LIMD1: variants seen among roughly 807,000 people sequenced by gnomAD.
LIMD1 encodes the protein LIM domain containing 1, also known as LIM domain-containing protein 1.
A neutral mutation model predicts 58.4 loss-of-function variants in LIMD1; 23 were observed. The observed-to-expected ratio is 0.39, with a 90% CI of 0.28 to 0.56. The LOEUF is 0.56. Ranked by LOEUF, LIMD1 falls within the 20% of genes least tolerant of loss-of-function variation. The pLI, the probability that LIMD1 is intolerant of heterozygous loss-of-function variation, is 0.57. For missense variants in LIMD1, 838 were observed against 855.5 expected, an observed-to-expected ratio of 0.98 and a Z score of 0.25; for synonymous variants, 334 against 345.5, an observed-to-expected ratio of 0.97 and a Z score of 0.37.
chr3:45,662,652 C>A (rs1697458209), intron 2 of LIMD1, among the ~76,000 whole-genome samples: 1 of 152,092 alleles, frequency 6.6e-6, no homozygotes, highest in Non-Finnish European at 1.5e-5. Context: ...AATTTTCCTA[C>A]TGTTACCATA....
Position 45,674,421 on chromosome 3 carries a change from T to TC in LIMD1, c.1893+14dup. The TC allele has an allele frequency of 8.9e-7, 1 of 1,127,874 alleles. No homozygotes were observed. Among genetic ancestry groups the TC allele is most frequent in the Non-Finnish European group, 1.3e-6 (1 of 795,182 alleles). The allele number at this position is 1,127,874 out of a possible 1,614,324, so 69.9% of individuals were successfully genotyped here. ...GTGTTACCACTGCGAGGTAGACCCCTCCCCACCCAGCCCCCAAAGCCCATT... is the reference window on the plus strand; with the variant it reads ...GTGTTACCACTGCGAGGTAGACCCCTCCCCCACCCAGCCCCCAAAGCCCATT... On this transcript the variant is annotated intron_variant, in intron 7 of 7. Coordinates refer to ENST00000273317, the MANE Select transcript of LIMD1 (RefSeq NM_014240.3).
intron 1 of LIMD1, among the ~76,000 whole-genome samples, chr3:45,596,650 C>T (rs967036909): frequency 2.6e-5 from 4 of 151,862 alleles, no homozygotes; most frequent in African/African-American, 4.8e-5. Context: ...TTCAGTGGGA[C>T]CAGCTTTCTC....
rs17078132 is a variant in LIMD1, at chr3:45,625,086, G to C, written c.1409-11064G>C. 7.3e-3 allele frequency among the ~76,000 whole-genome samples: 1,109 copies of C among 152,216 alleles called. 46 individuals are homozygous for C. The East Asian group carries it at 0.099, about 14-fold the overall frequency. On this transcript the variant is annotated intron_variant, in intron 1 of 7. Coordinates refer to ENST00000273317, the MANE Select transcript of LIMD1 (RefSeq NM_014240.3). ...TTTTGCCGTATGTTAATGGTTTTCAGATAATCTTCCTGGAACCACTGCAGG... is the reference window on the plus strand; with the variant it reads ...TTTTGCCGTATGTTAATGGTTTTCACATAATCTTCCTGGAACCACTGCAGG...
intron 2 of LIMD1, among the ~76,000 whole-genome samples, chr3:45,663,292 T>C (rs1697468066): frequency 6.6e-6 from 1 of 152,200 alleles, no homozygotes; most frequent in Non-Finnish European, 1.5e-5. Flanking sequence ...TCCTCATGCA[T>C]GTTTGGGTAA....
At chr3:45,620,187 G>T (rs944654423) in intron 1 of LIMD1, among the ~76,000 whole-genome samples, 3 of 152,172 alleles carry the variant, frequency 2.0e-5, no homozygotes, top group Admixed American at 6.5e-5. Context: ...TTGATGCAAA[G>T]ATCCTGGGAA....
At chr3:45,631,341 G>A (rs138906844) in intron 1 of LIMD1, among the ~76,000 whole-genome samples, 1 of 151,944 alleles carries the variant, frequency 6.6e-6, no homozygotes, top group East Asian at 1.9e-4. Context: ...TCCAGGGTCT[G>A]GCCCATAGTA....
At position 45,672,820 on chromosome 3, in the gene LIMD1, A is replaced by G. The variant is rs1559526791; in HGVS notation, c.1772A>G (p.Lys591Arg). ...NKIYCVRDYH[K>R]VLAPKCAACG... ...ATCTACTGTGTCCGAGATTACCACA[A>G]GTAAGAAGGGATGGGAGCAGACAGG... Residue 591 changes from lysine (K) to arginine (R), a missense_variant and splice_region_variant, in exon 5 of 8, where the codon AAG becomes AGG. Transcript: ENST00000273317. 1.2e-6 allele frequency: 2 copies of G among 1,613,618 alleles called. No individual in the cohort carries two copies.
chr3:45,634,137 TGTAAA>T (rs1191172277), intron 1 of LIMD1, among the ~76,000 whole-genome samples: 10 of 152,352 alleles, frequency 6.6e-5, no homozygotes, highest in African/African-American at 1.7e-4. Flanking sequence ...TTTTAAAATC[TGTAAA>T]GTAATGAATG....
At chr3:45,603,461 G>A (rs1446252891) in intron 1 of LIMD1, among the ~76,000 whole-genome samples, 2 of 152,016 alleles carry the variant, frequency 1.3e-5, no homozygotes, top group South Asian at 4.1e-4. Context: ...TAGATATGAT[G>A]ACGTGGGGAC....
At chr3:45,668,847 T>C (rs1697553898) in intron 4 of LIMD1, among the ~76,000 whole-genome samples, 1 of 152,134 alleles carries the variant, frequency 6.6e-6, no homozygotes, top group African/African-American at 2.4e-5. Flanking sequence ...TTTAACCATC[T>C]AGAGCACACG....
chr3:45,684,309 A>C lies in LIMD1; in HGVS notation c.*7250A>C, dbSNP rs1697781933. On this transcript the variant is annotated 3_prime_UTR_variant, in exon 8 of 8. Transcript: ENST00000273317. Reference sequence around the variant, plus strand: ...TTCTGGGCCCTGTGTTGCCCATGAGACTTGGTCCACGGCAAGCCTGTGACG... The same window carrying C: ...TTCTGGGCCCTGTGTTGCCCATGAGCCTTGGTCCACGGCAAGCCTGTGACG... The C allele has an allele frequency of 2.0e-5, 3 of 152,314 alleles. No homozygotes were observed. The highest frequency in any genetic ancestry group is 7.2e-5 in the African/African-American group (3 of 41,558). The allele number at this position is 152,314 out of a possible 1,614,324, so 9.4% of individuals were successfully genotyped here.
chr3:45,665,709 G>T lies in LIMD1; in HGVS notation c.1570G>T (p.Asp524Tyr). The T allele has an allele frequency of 1.2e-6, 2 of 1,614,088 alleles. No individual in the cohort carries two copies. Among genetic ancestry groups the T allele is most frequent in the Non-Finnish European group, 1.7e-6 (2 of 1,179,922 alleles). Residue 524 changes from aspartate to tyrosine, a missense_variant, in exon 3 of 8, where the codon GAC (aspartate) becomes TAC (tyrosine). Physicochemically the swap from Asp to Tyr is radical, Grantham distance 160 (BLOSUM62 -3). Coordinates refer to ENST00000273317, the MANE Select transcript of LIMD1 (RefSeq NM_014240.3). ...FVNGKVFCEE[D>Y]FLYSGFQQSA... ...CAACGGCAAAGTGTTTTGTGAAGAA[G>T]ACTTCCTGGTGAGTGTGTCACCGAA...
chr3:45,632,031 T>A (rs2125657249), intron 1 of LIMD1, among the ~76,000 whole-genome samples: 1 of 152,358 alleles, frequency 6.6e-6, no homozygotes, highest in African/African-American at 2.4e-5. Context: ...CCTCTGCTGT[T>A]TGTAGCCAGC....
At chr3:45,667,812 G>A (rs888520832) in intron 3 of LIMD1, among the ~76,000 whole-genome samples, 2 of 152,012 alleles carry the variant, frequency 1.3e-5, no homozygotes, top group Admixed American at 6.6e-5. Context: ...GGGTAATAAT[G>A]TAGACCTTGC....
chr3:45,626,693 A>T (rs1457007553), intron 1 of LIMD1, among the ~76,000 whole-genome samples: 3 of 152,162 alleles, frequency 2.0e-5, no homozygotes, highest in Non-Finnish European at 4.4e-5. Flanking sequence ...CATAGAATGT[A>T]CAGCACCCAG....
chr3:45,676,858 C>T (rs747023012), intron 7 of LIMD1, 64 bp from the exon 8 acceptor site: 12 of 1,522,520 alleles, frequency 7.9e-6, no homozygotes, highest in Middle Eastern at 1.7e-4. Flanking sequence ...GGGACTGTGG[C>T]CTTCAGGTCA....
chr3:45,594,778 AACACACACACACACACACAC>A lies in LIMD1; in HGVS notation c.-55_-36del, dbSNP rs57091993. 0.02 allele frequency: 14,664 copies of A among 730,062 alleles called. 215 individuals are homozygous for A. Among genetic ancestry groups the A allele is most frequent in the East Asian group, 0.039 (1,415 of 36,188 alleles). 45.2% of individuals were successfully genotyped at this position (730,062 alleles called of 1,614,324 possible). A position where few individuals can be genotyped will look rare whatever the true frequency, so the allele number is the denominator to read the frequency against. On this transcript the variant is annotated 5_prime_UTR_variant, in exon 1 of 8. Coordinates refer to ENST00000273317, the MANE Select transcript of LIMD1 (RefSeq NM_014240.3). ...TCGCCAGCATCTCCCCGCTGCCCTCAACACACACACACACACACACACACACACACACACACACACACACA... is the reference window on the plus strand; with the variant it reads ...TCGCCAGCATCTCCCCGCTGCCCTCAACACACACACACACACACACACACA...
Position 45,594,947 on chromosome 3 carries a change from C to T in LIMD1, c.68C>T (p.Ala23Val). The change falls in exon 1 of 8, where the codon GCC (alanine) becomes GTC (valine). Residue 23 changes from alanine to valine, a missense_variant. Ala to Val is a moderately conservative substitution (Grantham distance 64). Transcript: ENST00000273317. ...KFIEDLNMYE[A>V]SKDGLFRVDK... Reference sequence around the variant, plus strand: ...ATCGAGGACCTGAACATGTATGAGGCCTCTAAGGATGGGCTCTTCCGAGTG... The same window carrying T: ...ATCGAGGACCTGAACATGTATGAGGTCTCTAAGGATGGGCTCTTCCGAGTG... 2 of 1,613,650 alleles carry T rather than the reference C, an allele frequency of 1.2e-6. No homozygotes were observed. Among genetic ancestry groups the T allele is most frequent in the South Asian group, 1.1e-5 (1 of 91,048 alleles).
chr3:45,595,620 G>C lies in LIMD1; in HGVS notation c.741G>C (p.Gln247His). The change falls in exon 1 of 8, where the codon CAG becomes CAC. Residue 247 changes from glutamine to histidine, a missense_variant. Physicochemically the swap from Gln to His is conservative, Grantham distance 24. Around this residue, in one of 3 missense-constraint regions of LIMD1, gnomAD observed 659 missense variants for 639.8 expected, o/e 1.03. Transcript: ENST00000273317. The stretch of plus-strand genomic sequence containing the variant: ...CTTCTGAGGGTAGCCTCGGTGGTCA[G>C]AATAGTGGCATTGGTGGCCGCAGCA... ...SRSSEGSLGG[Q>H]NSGIGGRSSE... The C allele has an allele frequency of 6.2e-7, 1 of 1,614,016 alleles. No homozygotes were observed. Among genetic ancestry groups the C allele is most frequent in the Non-Finnish European group, 8.5e-7 (1 of 1,179,986 alleles).
Sources: allele counts gnomAD v4.1 joint callset (sites outside exome capture counted in the v4.1 genomes callset), GRCh38; gene constraint gnomAD v4.1.1; regional missense constraint gnomAD v4.1.1; transcripts MANE v1.5; gene names NCBI Gene and HGNC (gene_info 2026-07-23, HGNC 2026-07-21).